The following SORCS3 variants were observed in gnomAD, a reference collection of about 807,000 sequenced individuals.
SORCS3 encodes VPS10 domain-containing receptor SorCS3.
SORCS3 carries 57 observed loss-of-function variants against 146.3 expected under a neutral mutation model. The observed-to-expected ratio is 0.39, with a 90% CI of 0.31 to 0.49. The LOEUF is 0.49. Among genes scored for constraint, SORCS3 ranks in the 20% least tolerant of loss-of-function variants. The pLI, the probability that SORCS3 is intolerant of heterozygous loss-of-function variation, is 0.92. For synonymous variants in SORCS3, 653 were observed against 618.5 expected, an observed-to-expected ratio of 1.06 and a Z score of -0.83; for missense variants, 1,341 against 1,575.5, an observed-to-expected ratio of 0.85 and a Z score of 2.52.
At chr10:104,740,888 C>A (rs577953240) in intron 1 of SORCS3, among the ~76,000 whole-genome samples, 1 of 152,192 alleles carries the variant, frequency 6.6e-6, no homozygotes, top group African/African-American at 2.4e-5. Context: ...TTTCCATTAG[C>A]AATCATTGTA....
chr10:104,834,022 C>T (rs1201657782), intron 1 of SORCS3, among the ~76,000 whole-genome samples: 1 of 152,116 alleles, frequency 6.6e-6, no homozygotes, highest in African/African-American at 2.4e-5. Flanking sequence ...TTGTTCACAC[C>T]TCGTATCTAA....
At chr10:104,720,662 G>T (rs530318325) in intron 1 of SORCS3, among the ~76,000 whole-genome samples, 1 of 152,016 alleles carries the variant, frequency 6.6e-6, no homozygotes, top group Non-Finnish European at 1.5e-5. Context: ...TTTAATGATC[G>T]CCCTTCTAAC....
Position 104,859,120 on chromosome 10 carries a change from T to C in SORCS3, c.695+16261T>C, listed in dbSNP as rs146660254. ...TTTAGGGTGTTAGTATGCCTAAATT[T>C]ATTGTAAAATTATGAGAATAAGACT... On this transcript the variant is annotated intron_variant, in intron 2 of 26. Coordinates refer to ENST00000369701, the MANE Select transcript of SORCS3 (RefSeq NM_014978.3). Among the ~76,000 whole-genome samples the C allele has an allele frequency of 3.3e-3, 509 of 152,162 alleles. 2 individuals are homozygous for C. The highest frequency in any genetic ancestry group is 0.018 in the South Asian group (88 of 4,818).
Position 105,139,497 on chromosome 10 carries a change from C to T in SORCS3, c.1302+11C>T. ...TACTCGTTGCCAAAGGTACTGCATG[C>T]ACCACTAGCGGTCCTGGGTCCCTCT... On this transcript the variant is annotated intron_variant, in intron 8 of 26. Transcript: ENST00000369701. 4 of 1,607,278 alleles carry T rather than the reference C, an allele frequency of 2.5e-6. No individual in the cohort carries two copies. Among genetic ancestry groups the T allele is most frequent in the Non-Finnish European group, 3.4e-6 (4 of 1,174,124 alleles).
intron 3 of SORCS3, among the ~76,000 whole-genome samples, chr10:104,929,671 A>G (rs564762309): frequency 6.6e-6 from 1 of 152,290 alleles, no homozygotes; most frequent in African/African-American, 2.4e-5. Context: ...CACAGGCTCT[A>G]AGCCTATCCC....
At chr10:105,097,741 G>A (rs550755044) in intron 6 of SORCS3, among the ~76,000 whole-genome samples, 1 of 152,130 alleles carries the variant, frequency 6.6e-6, no homozygotes, top group East Asian at 1.9e-4. Context: ...AATGAACAAA[G>A]CAGTAACAAC....
At chr10:104,718,215 G>A (rs1309371747) in intron 1 of SORCS3, among the ~76,000 whole-genome samples, 1 of 152,010 alleles carries the variant, frequency 6.6e-6, no homozygotes, top group African/African-American at 2.4e-5. Flanking sequence ...CTCAAGTTTT[G>A]GAGGCTGAAA....
rs1564675434 is a variant in SORCS3 at position 104,751,957 on chromosome 10, AT to A, written c.628-90834del. ...TATATATATATATATATATATATATATATATATATATAATAGTTTAGCAGCA... is the reference window on the plus strand; with the variant it reads ...TATATATATATATATATATATATATAATATATATATAATAGTTTAGCAGCA... On this transcript the variant is annotated intron_variant, in intron 1 of 26. Transcript: ENST00000369701. 6.7e-3 allele frequency among the ~76,000 whole-genome samples: 781 copies of A among 116,712 alleles called. 18 individuals carry two copies. Among genetic ancestry groups the A allele is most frequent in the African/African-American group, 0.014 (345 of 25,312 alleles). The allele number at this position is 116,712 out of a possible 152,430, so 76.6% of individuals were successfully genotyped here.
At chr10:105,048,687 A>T (rs1000418758) in intron 5 of SORCS3, among the ~76,000 whole-genome samples, 5 of 151,960 alleles carry the variant, frequency 3.3e-5, no homozygotes, top group African/African-American at 9.7e-5. Context: ...AAGTATAATT[A>T]AAAAAAAGAG....
At chr10:104,912,431 T>C (rs2018978480) in intron 2 of SORCS3, among the ~76,000 whole-genome samples, 1 of 152,220 alleles carries the variant, frequency 6.6e-6, no homozygotes, top group South Asian at 2.1e-4. Context: ...GGGTGATTTG[T>C]CATTTAACCG....
intron 5 of SORCS3, among the ~76,000 whole-genome samples, chr10:105,071,618 A>T (rs115939321): frequency 2.0e-5 from 3 of 152,238 alleles, no homozygotes; most frequent in Non-Finnish European, 4.4e-5. Flanking sequence ...AAATAAGCAC[A>T]TTATAGAGAA....
At chr10:104,728,804 T>A (rs2016672290) in intron 1 of SORCS3, among the ~76,000 whole-genome samples, 2 of 152,138 alleles carry the variant, frequency 1.3e-5, no homozygotes, top group Admixed American at 1.3e-4. Flanking sequence ...ATGGTGGAAG[T>A]CCAGGCTCAC....
intron 4 of SORCS3, among the ~76,000 whole-genome samples, chr10:105,007,011 C>A (rs2133677819): frequency 6.6e-6 from 1 of 152,288 alleles, no homozygotes; most frequent in Admixed American, 6.5e-5. Context: ...CTAGACTTAC[C>A]TGTTGACCAA....
chr10:104,668,456 C>T (rs2015811063), intron 1 of SORCS3, among the ~76,000 whole-genome samples: 1 of 152,152 alleles, frequency 6.6e-6, no homozygotes, highest in Admixed American at 6.5e-5. Context: ...TAGCCTCTTA[C>T]TAGCTATATG....
intron 5 of SORCS3, among the ~76,000 whole-genome samples, chr10:105,049,196 C>T (rs2055394595): frequency 6.6e-6 from 1 of 152,072 alleles, no homozygotes; most frequent in African/African-American, 2.4e-5. Flanking sequence ...TTTTACTGAA[C>T]CTTTTCTTGA....
chr10:104,991,177 G>A (rs2054991711), intron 4 of SORCS3, among the ~76,000 whole-genome samples: 2 of 151,848 alleles, frequency 1.3e-5, no homozygotes, highest in South Asian at 4.1e-4. Flanking sequence ...CTCCTTGCGG[G>A]TGGAAAAAAA....
chr10:104,893,160 C>A (rs2018765891), intron 2 of SORCS3, among the ~76,000 whole-genome samples: 1 of 152,158 alleles, frequency 6.6e-6, no homozygotes, highest in Non-Finnish European at 1.5e-5. Flanking sequence ...AGATTGTGAG[C>A]TTCATGAGAG....
intron 1 of SORCS3, among the ~76,000 whole-genome samples, chr10:104,807,533 A>G (rs561415201): frequency 2.6e-5 from 4 of 152,338 alleles, no homozygotes; most frequent in African/African-American, 9.6e-5. Flanking sequence ...ACATTGGAAG[A>G]AGAAAAGAGA....
intron 3 of SORCS3, among the ~76,000 whole-genome samples, chr10:104,951,612 C>T (rs183913563): frequency 7.2e-4 from 110 of 152,178 alleles, no homozygotes; most frequent in Middle Eastern, 3.4e-3. Flanking sequence ...CCCAAACTAC[C>T]GGGATTACAG....
Sources: allele counts gnomAD v4.1 joint callset (sites outside exome capture counted in the v4.1 genomes callset), GRCh38; gene constraint gnomAD v4.1.1; transcripts MANE v1.5; gene names NCBI Gene and HGNC (gene_info 2026-07-23, HGNC 2026-07-21).